Variants in SCO1 observed in about 807,000 individuals in gnomAD.
SCO1 encodes the protein synthesis of cytochrome C oxidase 1, also known as cytochrome c oxidase assembly factor SCO1.
SCO1 carries 23 observed loss-of-function variants against 34.0 expected under a neutral mutation model. The ratio of observed to expected loss-of-function variants is 0.68; its 90% confidence interval spans 0.49 to 0.96. The LOEUF (loss-of-function observed/expected upper bound fraction) is 0.96, where lower values mean the gene tolerates loss of function less well. SCO1 is among the 40% of genes least tolerant of loss of function. The pLI, the probability that SCO1 is intolerant of heterozygous loss-of-function variation, is 0.00. For missense variants in SCO1, 404 were observed against 381.6 expected (o/e 1.06, Z -0.49); for synonymous variants, 161 against 145.5 (o/e 1.11, Z -0.77).
chr17:10,696,814 C>CT (rs1195652144), intron 1 of SCO1, among the ~76,000 whole-genome samples: 1 of 152,190 alleles, frequency 6.6e-6, no homozygotes, highest in African/African-American at 2.4e-5. Context: ...CCACACATAA[C>CT]TAAGTTCCAC....
rs780618786 is a variant in SCO1, at chr17:10,697,442, G to C, written c.66C>G (p.Phe22Leu). ...CCCAAAACTCGAGTCCGCGAGGCAA[G>C]AAGCGCCAAAGTTGGCCACCCAGAG... is the stretch of plus-strand genomic sequence containing the variant. ...MRPLGGQLWR[F>L]LPRGLEFWGP... Residue 22 changes from phenylalanine to leucine, a missense_variant, in exon 1 of 6, where the codon TTC becomes TTG. Transcript: ENST00000255390. 2.5e-6 allele frequency: 4 copies of C among 1,612,850 alleles called. No homozygotes were observed. Among genetic ancestry groups the C allele is most frequent in the Non-Finnish European group, 3.4e-6 (4 of 1,179,732 alleles).
intron 5 of SCO1, among the ~76,000 whole-genome samples, chr17:10,686,057 C>T (rs531873372): frequency 2.6e-5 from 4 of 152,170 alleles, no homozygotes; most frequent in African/African-American, 9.6e-5. Flanking sequence ...GCCTGGCCAA[C>T]ATGGCAAAAC....
Position 10,675,992 on chromosome 17 carries a change from C to T in SCO1, c.*5127G>A, listed in dbSNP as rs2074577914. The T allele has an allele frequency of 6.6e-6, 1 of 152,200 alleles. No homozygotes were observed. 9.4% of individuals were successfully genotyped at this position (152,200 alleles called of 1,614,324 possible). Reference sequence around the variant, plus strand: ...AAGGACCAAATTATAAACGAGTTTACACTGACTGGATATTTGATATTAAGC... The same window carrying T: ...AAGGACCAAATTATAAACGAGTTTATACTGACTGGATATTTGATATTAAGC... On this transcript the variant is annotated 3_prime_UTR_variant, in exon 6 of 6. Transcript: ENST00000255390.
Position 10,680,954 on chromosome 17 carries a change from G to C in SCO1, c.*165C>G, listed in dbSNP as rs1597505468. On this transcript the variant is annotated 3_prime_UTR_variant, in exon 6 of 6. Coordinates refer to ENST00000255390, the MANE Select transcript of SCO1 (RefSeq NM_004589.4). ...TTTACAGTTCCAAGAATCAATTTTG[G>C]TTGAACGCAAGGGTAACATCCCCAT... The C allele has an allele frequency of 8.5e-6, 7 of 826,510 alleles. No individual in the cohort carries two copies. In the East Asian group the frequency reaches 1.8e-4, roughly 21 times the overall value. 51.2% of individuals were successfully genotyped at this position (826,510 alleles called of 1,614,324 possible).
chr17:10,681,148 G>A lies in SCO1; in HGVS notation c.877C>T (p.His293Tyr), dbSNP rs768372424. The change falls in exon 6 of 6, where the codon CAC becomes TAC. Residue 293 changes from histidine to tyrosine, a missense_variant. Physicochemically the swap from His to Tyr is moderately conservative, Grantham distance 83. Transcript: ENST00000255390. ...CTCTTTTTTCTGTATGGCCTCATGTGTGTGGCAATTGAAGCAGCTATTTCT... is the reference window on the plus strand; with the variant it reads ...CTCTTTTTTCTGTATGGCCTCATGTATGTGGCAATTGAAGCAGCTATTTCT... ...KGEIAASIAT[H>Y]MRPYRKKS is the part of the protein sequence containing the mutation. 3 of 1,614,152 alleles carry A rather than the reference G, an allele frequency of 1.9e-6. No homozygotes were observed. Among genetic ancestry groups the A allele is most frequent in the South Asian group, 1.1e-5 (1 of 91,084 alleles).
intron 5 of SCO1, chr17:10,683,954 A>T (rs933050105): frequency 1.3e-5 from 2 of 152,180 alleles, no homozygotes; most frequent in Non-Finnish European, 2.9e-5. Context: ...TGATAACAGA[A>T]GTTTCCCAAA....
At chr17:10,687,214 GA>G (rs1268400632) in intron 4 of SCO1, among the ~76,000 whole-genome samples, 3 of 152,020 alleles carry the variant, frequency 2.0e-5, no homozygotes, top group Admixed American at 6.6e-5. Flanking sequence ...ATCATATGGG[GA>G]AAAAAATTTG....
In SCO1 at chr17:10,680,968, T is replaced by A. The variant is rs2074617784; in HGVS notation, c.*151A>T. On this transcript the variant is annotated 3_prime_UTR_variant, in exon 6 of 6. Transcript: ENST00000255390. ...AATCAATTTTGGTTGAACGCAAGGG[T>A]AACATCCCCATCCAAAACAGAAATG... 9 of 952,384 alleles carry A rather than the reference T, an allele frequency of 9.4e-6. No individual in the cohort carries two copies. The South Asian group carries it at 1.1e-4, about 11-fold the overall frequency. The allele number at this position is 952,384 out of a possible 1,614,324, so 59.0% of individuals were successfully genotyped here.
rs2074574373 is a variant in SCO1, at chr17:10,675,410, TTGCTTTCTTTCAAGAC to T, written c.*5693_*5708del. On this transcript the variant is annotated 3_prime_UTR_variant, in exon 6 of 6. Transcript: ENST00000255390. ...CCAATGCATTCTCCACATCACAGACTTGCTTTCTTTCAAGACTGCCTTTTGCAGGGACTCTTTTTCC... is the reference window on the plus strand; with the variant it reads ...CCAATGCATTCTCCACATCACAGACTTGCCTTTTGCAGGGACTCTTTTTCC... The T allele has an allele frequency of 6.6e-6, 1 of 152,302 alleles. No individual in the cohort carries two copies. Among genetic ancestry groups the T allele is most frequent in the Non-Finnish European group, 1.5e-5 (1 of 68,072 alleles). 9.4% of individuals were successfully genotyped at this position (152,302 alleles called of 1,614,324 possible). A position where few individuals can be genotyped will look rare whatever the true frequency, so the allele number is the denominator to read the frequency against.
At position 10,696,066 on chromosome 17, in the gene SCO1, G is replaced by A. The variant is rs573788457; in HGVS notation, c.274-235C>T. ...AGTTCCCTAAGTCAGTTCTCTTCAT[G>A]TAAATAAAAAAAAAAAAAAAAAAAA... On this transcript the variant is annotated intron_variant, in intron 1 of 5. Transcript: ENST00000255390. Among the ~76,000 whole-genome samples, 253 of 37,324 alleles carry A rather than the reference G, an allele frequency of 6.8e-3. 1 individual carries two copies. Among genetic ancestry groups the A allele is most frequent in the African/African-American group, 0.025 (243 of 9,878 alleles). 24.5% of individuals were successfully genotyped at this position (37,324 alleles called of 152,430 possible). A position where few individuals can be genotyped will look rare whatever the true frequency, so the allele number is the denominator to read the frequency against.
At chr17:10,693,073 G>A (rs1350173915) in intron 2 of SCO1, 112 bp from the exon 3 acceptor site, 2 of 860,734 alleles carry the variant, frequency 2.3e-6, no homozygotes, top group Non-Finnish European at 3.7e-6. Flanking sequence ...GGCACAAAAT[G>A]TGGAAAAAAC....
chr17:10,697,172 T>G, intron 1 of SCO1, 63 bp downstream of exon 1: 1 of 1,431,234 alleles, frequency 7.0e-7, no homozygotes, highest in Non-Finnish European at 9.2e-7. Context: ...CCAAGTGGGA[T>G]GTGGCCGCTG....
chr17:10,694,309 G>T (rs1475324869), intron 2 of SCO1, among the ~76,000 whole-genome samples: 2 of 152,192 alleles, frequency 1.3e-5, no homozygotes, highest in African/African-American at 4.8e-5. Flanking sequence ...AGGAGGCTAA[G>T]GTAAACAACT....
intron 4 of SCO1, among the ~76,000 whole-genome samples, chr17:10,690,706 A>G (rs1013997170): frequency 6.6e-6 from 1 of 152,238 alleles, no homozygotes; most frequent in Non-Finnish European, 1.5e-5. Context: ...AAAGGAGATG[A>G]AAACAGTATA....
rs558709831 is a variant in SCO1 at position 10,675,778 on chromosome 17, T to A, written c.*5341A>T. 2 of 152,284 alleles carry A rather than the reference T, an allele frequency of 1.3e-5. No homozygotes were observed. The highest frequency in any genetic ancestry group is 3.9e-4 in the East Asian group (2 of 5,162). 9.4% of individuals were successfully genotyped at this position (152,284 alleles called of 1,614,324 possible). On this transcript the variant is annotated 3_prime_UTR_variant, in exon 6 of 6. Coordinates refer to ENST00000255390, the MANE Select transcript of SCO1 (RefSeq NM_004589.4). ...ACAACGAGGACAAATGCGTTAGTCT[T>A]TTTAAACTGGTCCAACCTGAATAAC... is the stretch of plus-strand genomic sequence containing the variant.
Position 10,681,230 on chromosome 17 carries a change from G to A in SCO1, c.795C>T (p.Tyr265=), listed in dbSNP as rs778813227. 4.3e-6 allele frequency: 7 copies of A among 1,614,078 alleles called. No homozygotes were observed. The highest frequency in any genetic ancestry group is 4.5e-5 in the East Asian group (2 of 44,872). ...DYIVDHTIIM[Y]LIGPDGEFLD... is the part of the protein sequence containing the mutation. ...GAAACTCACCATCTGGTCCAATCAA[G>A]TACATTATTATTGTGTGATCCACCT... Residue 265 remains tyrosine, a synonymous_variant, in exon 6 of 6, where the codon TAC becomes TAT. Transcript: ENST00000255390.
rs538690660 is a variant in SCO1 at position 10,693,058 on chromosome 17, G to A, written c.365-97C>T. 4.0e-6 allele frequency: 4 copies of A among 994,138 alleles called. No individual in the cohort carries two copies. In the African/African-American group the frequency reaches 4.9e-5, roughly 12 times the overall value. The allele number at this position is 994,138 out of a possible 1,614,324, so 61.6% of individuals were successfully genotyped here. A position where few individuals can be genotyped will look rare whatever the true frequency, so the allele number is the denominator to read the frequency against. On this transcript the variant is annotated intron_variant, in intron 2 of 5. Coordinates refer to ENST00000255390, the MANE Select transcript of SCO1 (RefSeq NM_004589.4). ...TATGGCCCGTACTATGCTACTCATG[G>A]TGGGGGCACAAAATGTGGAAAAAAC...
At chr17:10,689,253 G>A (rs181526644) in intron 4 of SCO1, among the ~76,000 whole-genome samples, 36 of 152,146 alleles carry the variant, frequency 2.4e-4, no homozygotes, top group African/African-American at 7.9e-4. Flanking sequence ...GATGGTTTCA[G>A]TTACAAAAGG....
intron 1 of SCO1, 96 bp from the exon 2 acceptor site, chr17:10,695,927 C>A: frequency 1.1e-6 from 1 of 880,990 alleles, no homozygotes. Flanking sequence ...TACATACACA[C>A]AGGCCATGAT....
Sources: gnomAD v4.1 joint callset for allele counts (sites outside exome capture counted in the v4.1 genomes callset) on GRCh38, gnomAD v4.1.1 for gene constraint, MANE v1.5 for transcripts, NCBI Gene and HGNC (gene_info 2026-07-23, HGNC 2026-07-21) for gene names.